LRRC53: variants seen among roughly 807,000 people sequenced by gnomAD.
The protein encoded by LRRC53 is leucine rich repeat containing 53, also known as leucine-rich repeat-containing protein 53.
Under a neutral mutation model 13.6 loss-of-function variants are expected in LRRC53, and 25 were observed. That is an observed-to-expected ratio of 1.83 (90% confidence interval 1.34 to 2.56). LRRC53 has a LOEUF of 2.56. Ranked by LOEUF, LRRC53 falls within the 30% of genes most tolerant of loss-of-function variation. LRRC53 has a pLI of 0.00. For missense variants in LRRC53, 527 were observed against 275.8 expected (o/e 1.91, Z -6.45); for synonymous variants, 204 against 109.8 (o/e 1.86, Z -5.37).
chr1:74,531,417 C>G, the LRRC53 span, among the ~76,000 whole-genome samples: 1 of 152,110 alleles, frequency 6.6e-6, no homozygotes, highest in Non-Finnish European at 1.5e-5. Flanking sequence ...AAGTAAATTC[C>G]TGTCTCTAAT....
At chr1:74,490,989 T>A (rs1358330453) in intron 1 of LRRC53, among the ~76,000 whole-genome samples, 1 of 152,208 alleles carries the variant, frequency 6.6e-6, no homozygotes, top group East Asian at 1.9e-4. Context: ...ATAAAGTGAC[T>A]GTCTTGCTGC....
At chr1:74,476,779 A>G (rs1035676702) in intron 3 of LRRC53, among the ~76,000 whole-genome samples, 1 of 152,138 alleles carries the variant, frequency 6.6e-6, no homozygotes, top group Admixed American at 6.6e-5. Flanking sequence ...AGATTCTTTG[A>G]CTGGCTACAC....
At chr1:74,474,290 C>T (rs1158006732) in intron 4 of LRRC53, among the ~76,000 whole-genome samples, 1 of 152,056 alleles carries the variant, frequency 6.6e-6, no homozygotes, top group African/African-American at 2.4e-5. Context: ...GCCAGTCTGA[C>T]CTGGTTTCTA....
At chr1:74,503,723 GTGCCACGATGCCTATCAGT>G (rs1669751547) in intron 1 of LRRC53, among the ~76,000 whole-genome samples, 1 of 152,214 alleles carries the variant, frequency 6.6e-6, no homozygotes, top group South Asian at 2.1e-4. Context: ...ATCTAAGCAA[GTGCCACGATGCCTATCAGT>G]TGCCTTTTAT....
chr1:74,487,956 G>C (rs891454021), intron 1 of LRRC53, among the ~76,000 whole-genome samples: 1 of 152,102 alleles, frequency 6.6e-6, no homozygotes, highest in Non-Finnish European at 1.5e-5. Flanking sequence ...GGTCATGACA[G>C]GGTCTAGGGT....
At chr1:74,511,050 G>C (rs1280193761) in intron 1 of LRRC53, among the ~76,000 whole-genome samples, 1 of 152,112 alleles carries the variant, frequency 6.6e-6, no homozygotes, top group Non-Finnish European at 1.5e-5. Flanking sequence ...ACCATGCCCA[G>C]CTAATGTTTG....
chr1:74,503,529 G>A (rs527899172), intron 1 of LRRC53, among the ~76,000 whole-genome samples: 1 of 152,144 alleles, frequency 6.6e-6, no homozygotes, highest in African/African-American at 2.4e-5. Flanking sequence ...TATGGATCTT[G>A]TATGTATAAT....
At chr1:74,483,168 C>G in intron 2 of LRRC53, 94 bp downstream of exon 2, 1 of 663,640 alleles carries the variant, frequency 1.5e-6, no homozygotes, top group Non-Finnish European at 2.8e-6. Flanking sequence ...ACCTCTTAAG[C>G]TGAGCCCAGA....
chr1:74,500,715 C>T (rs1382087521), intron 1 of LRRC53, among the ~76,000 whole-genome samples: 1 of 140,400 alleles, frequency 7.1e-6, no homozygotes, highest in Non-Finnish European at 1.5e-5. Flanking sequence ...TATCTTCCCT[C>T]TTTTTTAAGA....
chr1:74,491,409 G>A (rs532161960), intron 1 of LRRC53, among the ~76,000 whole-genome samples: 47 of 152,186 alleles, frequency 3.1e-4, no homozygotes, highest in African/African-American at 8.7e-4. Flanking sequence ...TATTAGAGAC[G>A]GGGTTTCACC....
At chr1:74,490,050 TAAAAAAA>T (rs36063099) in intron 1 of LRRC53, among the ~76,000 whole-genome samples, 1 of 42,908 alleles carries the variant, frequency 2.3e-5, no homozygotes, top group East Asian at 7.6e-4. Flanking sequence ...TTTTTTTTTC[TAAAAAAA>T]AAAAAAAAAA....
rs564269662 is a variant in LRRC53 at position 74,480,915 on chromosome 1, T to C, written c.142A>G (p.Ile48Val). 38 of 717,328 alleles carry C rather than the reference T, an allele frequency of 5.3e-5. No individual in the cohort carries two copies. Among genetic ancestry groups the C allele is most frequent in the South Asian group, 2.1e-4 (14 of 67,600 alleles). 44.4% of individuals were successfully genotyped at this position (717,328 alleles called of 1,614,324 possible). ...LIITDGYLSS[I>V]ESTNLSLLFN... Reference sequence around the variant, plus strand: ...AAGAGAGACAGGTTTGTGCTCTCAATAGAGGAGAGATATCCATCGGTGATG... The same window carrying C: ...AAGAGAGACAGGTTTGTGCTCTCAACAGAGGAGAGATATCCATCGGTGATG... The change falls in exon 3 of 5, where the codon ATT becomes GTT. Residue 48 changes from isoleucine (I) to valine (V), a missense_variant. Ile to Val is a conservative substitution (Grantham distance 29). Coordinates refer to ENST00000294635, the MANE Select transcript of LRRC53 (RefSeq NM_001382280.1).
Position 74,480,700 on chromosome 1 carries a change from G to A in LRRC53, c.357C>T (p.Leu119=). 1.4e-6 allele frequency: 1 copy of A among 717,432 alleles called. No individual in the cohort carries two copies. The allele number at this position is 717,432 out of a possible 1,614,324, so 44.4% of individuals were successfully genotyped here. ...GGAACCAAGACCCTCGTAGGGTGCG[G>A]AGAGCATTATTGCTCAGCACCAGTA... is the stretch of plus-strand genomic sequence containing the variant. ...LQVLVLSNNA[L]RTLRGSWFRN... The change falls in exon 3 of 5, where the codon CTC becomes CTT. Residue 119 remains leucine (L), a synonymous_variant. Transcript: ENST00000294635.
chr1:74,512,971 G>C (rs1281001809), upstream of LRRC53, among the ~76,000 whole-genome samples: 1 of 152,142 alleles, frequency 6.6e-6, no homozygotes, highest in Non-Finnish European at 1.5e-5. Context: ...AACTATAGAC[G>C]ACTTTTGCCC....
In LRRC53 at chr1:74,471,790, T is replaced by A. The variant is rs1667944553; in HGVS notation, c.1832A>T (p.Glu611Val). 2.4e-6 allele frequency: 1 copy of A among 420,054 alleles called. No individual in the cohort carries two copies. The allele number at this position is 420,054 out of a possible 1,614,324, so 26.0% of individuals were successfully genotyped here. ...GTTGTCCTCACTCATAAGAAATTTT[T>A]CTATTGCACTGTTAATTTGGATTTG... The part of the protein sequence containing the change: ...KEQIQINSAI[E>V]KFLMSEDNID... The change falls in exon 5 of 5, where the codon GAA becomes GTA. Residue 611 changes from glutamate (E) to valine (V), a missense_variant. Physicochemically the swap from Glu to Val is moderately radical, Grantham distance 121 (BLOSUM62 -2). Transcript: ENST00000294635.
the LRRC53 span, among the ~76,000 whole-genome samples, chr1:74,535,180 T>C: frequency 6.6e-6 from 1 of 152,124 alleles, no homozygotes; most frequent in African/African-American, 2.4e-5. Context: ...GATTCATGAA[T>C]GCCTTATAAA....
Position 74,480,184 on chromosome 1 carries a change from A to C in LRRC53, c.873T>G (p.Asp291Glu), listed in dbSNP as rs1372262217. 11 of 717,304 alleles carry C rather than the reference A, an allele frequency of 1.5e-5. 1 individual carries two copies. In the Admixed American group the frequency reaches 2.0e-4, roughly 13 times the overall value. The allele number at this position is 717,304 out of a possible 1,614,324, so 44.4% of individuals were successfully genotyped here. ...AGCCAAGGACAGTCAGCAGGGCCAC[A>C]TCTGGTCCTGGGAGGAGGGGACTTC... ...KDRSPLLPGP[D>E]VALLTVLGFA... The change falls in exon 3 of 5, where the codon GAT becomes GAG. Residue 291 changes from aspartate (D) to glutamate (E), a missense_variant. By Grantham distance (45) the Asp-to-Glu change is conservative. Coordinates refer to ENST00000294635, the MANE Select transcript of LRRC53 (RefSeq NM_001382280.1).
chr1:74,524,436 G>A, the LRRC53 span, among the ~76,000 whole-genome samples: 1 of 152,178 alleles, frequency 6.6e-6, no homozygotes, highest in East Asian at 1.9e-4. Flanking sequence ...CACAGCTAGA[G>A]TATGTAGGGC....
At chr1:74,535,268 G>A in the LRRC53 span, among the ~76,000 whole-genome samples, 2 of 151,992 alleles carry the variant, frequency 1.3e-5, no homozygotes, top group Admixed American at 6.6e-5. Flanking sequence ...ACAGGAGTTC[G>A]ACACCAGCCT....
Sources: allele counts gnomAD v4.1 joint callset (sites outside exome capture counted in the v4.1 genomes callset), GRCh38; gene constraint gnomAD v4.1.1; transcripts MANE v1.5; gene names NCBI Gene and HGNC (gene_info 2026-07-23, HGNC 2026-07-21).